Variants in TMEM117 observed in about 807,000 individuals in gnomAD.
TMEM117 encodes transmembrane protein 117.
TMEM117 carries 27 observed loss-of-function variants against 52.4 expected under a neutral mutation model. The observed-to-expected ratio is 0.51, with a 90% CI of 0.38 to 0.71. TMEM117 has a LOEUF of 0.71. Ranked by LOEUF, TMEM117 falls within the 30% of genes least tolerant of loss-of-function variation. The pLI is 0.00. For missense variants in TMEM117, 556 were observed against 630.5 expected (o/e 0.88, Z 1.26); for synonymous variants, 215 against 206.3 (o/e 1.04, Z -0.36).
At chr12:44,237,860 A>G (rs73102954) in intron 5 of TMEM117, among the ~76,000 whole-genome samples, 11,132 of 152,270 alleles carry the variant, frequency 0.073, 577 homozygotes, top group Middle Eastern at 0.16. Context: ...CAGGGCACAG[A>G]TGAAATAGTA....
At chr12:44,175,749 C>T (rs75460523) in intron 4 of TMEM117, among the ~76,000 whole-genome samples, 1,529 of 152,134 alleles carry the variant, frequency 0.01, 10 homozygotes, top group African/African-American at 0.016. Context: ...GGAGGGGCAG[C>T]AGATAAGAAC....
At chr12:44,315,152 T>TA (rs1355160585) in intron 6 of TMEM117, among the ~76,000 whole-genome samples, 1 of 151,972 alleles carries the variant, frequency 6.6e-6, no homozygotes, top group Non-Finnish European at 1.5e-5. Context: ...TTTTATTTGT[T>TA]AATCTAGCTA....
intron 2 of TMEM117, among the ~76,000 whole-genome samples, chr12:43,891,332 A>G: frequency 7.5e-6 from 1 of 132,586 alleles, no homozygotes; most frequent in Non-Finnish European, 1.6e-5. Flanking sequence ...TTCTTAAGGC[A>G]TCTTCTAACA....
intron 2 of TMEM117, among the ~76,000 whole-genome samples, chr12:43,867,841 CCTT>C (rs1208577776): frequency 8.5e-5 from 13 of 152,176 alleles, no homozygotes; most frequent in South Asian, 4.2e-4. Context: ...AATTTATTGT[CCTT>C]CTCTTACTAA....
At position 43,986,269 on chromosome 12, in the gene TMEM117, TATAAA is replaced by T. The variant is rs747357782; in HGVS notation, c.410+41928_410+41932del. 2.0e-5 allele frequency among the ~76,000 whole-genome samples: 3 copies of T among 152,240 alleles called. No homozygotes were observed. The East Asian group carries it at 5.8e-4, about 29-fold the overall frequency. The stretch of plus-strand genomic sequence containing the variant: ...AGAAATTTTTGAAAATACAGAAAAA[TATAAA>T]GAAGAAATAAAAATCATCTACAGTT... On this transcript the variant is annotated intron_variant, in intron 3 of 7. Coordinates refer to ENST00000266534, the MANE Select transcript of TMEM117 (RefSeq NM_032256.3).
chr12:44,122,561 C>T (rs922211564), intron 3 of TMEM117, among the ~76,000 whole-genome samples: 3 of 152,110 alleles, frequency 2.0e-5, no homozygotes, highest in African/African-American at 7.2e-5. Flanking sequence ...TTTTTCTTCT[C>T]CCACCTCCCA....
intron 6 of TMEM117, among the ~76,000 whole-genome samples, chr12:44,315,923 A>C (rs1215992212): frequency 6.6e-6 from 1 of 152,118 alleles, no homozygotes; most frequent in Non-Finnish European, 1.5e-5. Flanking sequence ...CATTTTCATG[A>C]TAGATCTTTC....
the TMEM117 span, among the ~76,000 whole-genome samples, chr12:43,823,969 C>T: frequency 2.6e-5 from 4 of 152,166 alleles, no homozygotes; most frequent in Admixed American, 1.3e-4. Flanking sequence ...AAATTACTTA[C>T]ATTAGTATAC....
intron 4 of TMEM117, among the ~76,000 whole-genome samples, chr12:44,198,452 C>T (rs1410643698): frequency 6.6e-6 from 1 of 152,048 alleles, no homozygotes; most frequent in African/African-American, 2.4e-5. Flanking sequence ...AGTTGGACCT[C>T]AAATAATAAA....
intron 3 of TMEM117, among the ~76,000 whole-genome samples, chr12:44,131,445 G>T (rs1009021424): frequency 1.3e-5 from 2 of 152,074 alleles, no homozygotes; most frequent in Non-Finnish European, 2.9e-5. Flanking sequence ...TGCATTAAAA[G>T]AATGTGCATT....
In TMEM117 at chr12:44,317,085, G is replaced by A. The variant is rs183105257; in HGVS notation, c.768+17346G>A. The stretch of plus-strand genomic sequence containing the variant: ...AATCCAAGCTTTGCATTCTTAATCC[G>A]TCATTTCTGAGTGTCTGTTTTAGTC... On this transcript the variant is annotated intron_variant, in intron 6 of 7. Coordinates refer to ENST00000266534, the MANE Select transcript of TMEM117 (RefSeq NM_032256.3). Among the ~76,000 whole-genome samples the A allele has an allele frequency of 1.4e-3, 195 of 135,196 alleles. 2 individuals carry two copies. The highest frequency in any genetic ancestry group is 1.1e-3 in the South Asian group (5 of 4,384). The allele number at this position is 135,196 out of a possible 152,430, so 88.7% of individuals were successfully genotyped here.
At chr12:43,802,789 G>A in the TMEM117 span, among the ~76,000 whole-genome samples, 1 of 152,102 alleles carries the variant, frequency 6.6e-6, no homozygotes, top group Non-Finnish European at 1.5e-5. Flanking sequence ...TTTCCAAAAT[G>A]TCTGAGCTTA....
intron 3 of TMEM117, among the ~76,000 whole-genome samples, chr12:44,062,939 A>T (rs1947161692): frequency 6.6e-6 from 1 of 152,214 alleles, no homozygotes; most frequent in African/African-American, 2.4e-5. Context: ...AATGACTTTA[A>T]GATGTAAACC....
At chr12:44,030,323 T>C (rs1946612887) in intron 3 of TMEM117, among the ~76,000 whole-genome samples, 1 of 152,220 alleles carries the variant, frequency 6.6e-6, no homozygotes, top group Non-Finnish European at 1.5e-5. Context: ...AGCATTAAAT[T>C]CTAGATAAAG....
intron 1 of TMEM117, among the ~76,000 whole-genome samples, chr12:43,839,179 G>A (rs1306804405): frequency 1.3e-5 from 2 of 151,942 alleles, no homozygotes; most frequent in African/African-American, 4.8e-5. Flanking sequence ...CTTTGGCAAC[G>A]GCTTCCTCAG....
chr12:44,211,680 A>G lies in TMEM117; in HGVS notation c.608+293A>G, dbSNP rs12580624. Among the ~76,000 whole-genome samples, 1,002 of 152,312 alleles carry G rather than the reference A, an allele frequency of 6.6e-3. 31 individuals carry two copies. Among genetic ancestry groups the G allele is most frequent in the Admixed American group, 0.053 (803 of 15,268 alleles). ...ACAAGCTGTAATTTTCATCAGTAAAATCTGATAGATGAAACTGTCTCCTAT... is the reference window on the plus strand; with the variant it reads ...ACAAGCTGTAATTTTCATCAGTAAAGTCTGATAGATGAAACTGTCTCCTAT... On this transcript the variant is annotated intron_variant, in intron 5 of 7. Coordinates refer to ENST00000266534, the MANE Select transcript of TMEM117 (RefSeq NM_032256.3).
intron 5 of TMEM117, among the ~76,000 whole-genome samples, chr12:44,278,999 T>C (rs1045667755): frequency 1.3e-5 from 2 of 152,372 alleles, no homozygotes; most frequent in South Asian, 2.1e-4. Context: ...GATAGTCTTC[T>C]CTACCTAATT....
chr12:44,020,690 T>C (rs1327859080), intron 3 of TMEM117, among the ~76,000 whole-genome samples: 1 of 152,208 alleles, frequency 6.6e-6, no homozygotes, highest in Non-Finnish European at 1.5e-5. Flanking sequence ...ATAAACATTC[T>C]GTAGTTCTTG....
intron 6 of TMEM117, among the ~76,000 whole-genome samples, chr12:44,315,209 T>A (rs986123102): frequency 2.6e-5 from 4 of 152,186 alleles, no homozygotes; most frequent in African/African-American, 9.6e-5. Context: ...AACTTTTGGG[T>A]TCATTGATGC....
Sources: allele counts gnomAD v4.1 joint callset (sites outside exome capture counted in the v4.1 genomes callset), GRCh38; gene constraint gnomAD v4.1.1; transcripts MANE v1.5; gene names NCBI Gene and HGNC (gene_info 2026-07-23, HGNC 2026-07-21).